ATP6V1B2: variants seen among roughly 807,000 people sequenced by gnomAD.
The protein encoded by ATP6V1B2 is V-type proton ATPase subunit B, brain isoform.
Under a neutral mutation model 66.7 loss-of-function variants are expected in ATP6V1B2, and 23 were observed. That is an observed-to-expected ratio of 0.34 (90% CI 0.25 to 0.49). The LOEUF (loss-of-function observed/expected upper bound fraction) is 0.49. Among genes scored for constraint, ATP6V1B2 ranks in the 20% least tolerant of loss-of-function variants. ATP6V1B2 has a pLI of 0.99. For synonymous variants in ATP6V1B2, 278 were observed against 236.7 expected (o/e 1.17, Z -1.60); for missense variants, 478 against 650.8 (o/e 0.73, Z 2.89).
At chr8:20,203,861 G>A (rs2072710984) in intron 1 of ATP6V1B2, 1 of 387,398 alleles carries the variant, frequency 2.6e-6, no homozygotes, top group East Asian at 7.7e-5. Context: ...TATCTTGTTT[G>A]ACCCCCTGGC....
chr8:20,215,953 A>G (rs1435642911), intron 10 of ATP6V1B2: 1 of 153,300 alleles, frequency 6.5e-6, no homozygotes, highest in Admixed American at 6.5e-5. Context: ...GCAAATTTCT[A>G]TAAGGGAACT....
At chr8:20,202,090 A>G (rs1015709990) in intron 1 of ATP6V1B2, among the ~76,000 whole-genome samples, 4 of 152,172 alleles carry the variant, frequency 2.6e-5, no homozygotes, top group African/African-American at 9.7e-5. Flanking sequence ...CACATTGGGG[A>G]TGAAGTTTAT....
In ATP6V1B2 at chr8:20,220,370, G is replaced by A. The variant is rs949243226; in HGVS notation, c.1504G>A (p.Glu502Lys). ...LKRIPQSTLS[E>K]FYPRDSAKH is the part of the protein sequence containing the mutation. The stretch of plus-strand genomic sequence containing the variant: ...GAGAATCCCTCAGAGCACCCTCAGC[G>A]AATTTTACCCTCGAGACTCTGCAAA... The change falls in exon 14 of 14, where the codon GAA becomes AAA. Residue 502 changes from glutamate (E) to lysine (K), a missense_variant. By Grantham distance (56) the Glu-to-Lys change is moderately conservative (BLOSUM62 1). Coordinates refer to ENST00000276390, the MANE Select transcript of ATP6V1B2 (RefSeq NM_001693.4). 1.8e-5 allele frequency: 28 copies of A among 1,587,536 alleles called. No homozygotes were observed. The highest frequency in any genetic ancestry group is 2.7e-5 in the African/African-American group (2 of 72,920).
At chr8:20,213,013 C>CA in intron 9 of ATP6V1B2, 108 bp downstream of exon 9, 1 of 1,431,140 alleles carries the variant, frequency 7.0e-7, no homozygotes, top group Admixed American at 2.0e-5. Flanking sequence ...TTCCACTGTT[C>CA]ATATATTAAT....
chr8:20,210,126 A>T (rs1375736820), intron 3 of ATP6V1B2, among the ~76,000 whole-genome samples: 1 of 149,946 alleles, frequency 6.7e-6, no homozygotes, highest in Non-Finnish European at 1.5e-5. Context: ...GTATATATAT[A>T]AACATGCTTA....
At chr8:20,213,093 A>G (rs577964680) in intron 9 of ATP6V1B2, 188 bp downstream of exon 9, 465 of 676,294 alleles carry the variant, frequency 6.9e-4, no homozygotes, top group Non-Finnish European at 9.5e-4. Context: ...ATTAGAGGTT[A>G]AGATTTAAAT....
chr8:20,215,083 G>A, intron 10 of ATP6V1B2, 115 bp downstream of exon 10: 1 of 1,146,716 alleles, frequency 8.7e-7, no homozygotes, highest in Non-Finnish European at 1.2e-6. Flanking sequence ...AGTTTATCTT[G>A]GTTATTTGCC....
chr8:20,217,200 T>C lies in ATP6V1B2; in HGVS notation c.1162-20T>C. ...TTTTGTACTTAAATATAGTATTTTT[T>C]CCCTCTCATTCTACCCAAGATTTAT... On this transcript the variant is annotated intron_variant, in intron 11 of 13. Transcript: ENST00000276390. 1.1e-5 allele frequency: 17 copies of C among 1,576,934 alleles called. No individual in the cohort carries two copies. The highest frequency in any genetic ancestry group is 1.5e-5 in the Non-Finnish European group (17 of 1,146,652).
Position 20,217,719 on chromosome 8 carries a change from C to T in ATP6V1B2, c.1266+395C>T, listed in dbSNP as rs141525673. Among the ~76,000 whole-genome samples the T allele has an allele frequency of 3.0e-3, 452 of 152,220 alleles. 2 individuals are homozygous for T. The highest frequency in any genetic ancestry group is 0.01 in the African/African-American group (428 of 41,534). On this transcript the variant is annotated intron_variant, in intron 12 of 13. Coordinates refer to ENST00000276390, the MANE Select transcript of ATP6V1B2 (RefSeq NM_001693.4). Reference sequence around the variant, plus strand: ...TACAGTTTTATGTAGGCTCTGAAATCCTTGATTTTTATACTCATATAAGAT... The same window carrying T: ...TACAGTTTTATGTAGGCTCTGAAATTCTTGATTTTTATACTCATATAAGAT...
At chr8:20,208,744 A>G (rs545469094) in intron 2 of ATP6V1B2, among the ~76,000 whole-genome samples, 41 of 133,200 alleles carry the variant, frequency 3.1e-4, no homozygotes, top group African/African-American at 1.0e-3. Flanking sequence ...GTCTTTTTCT[A>G]TCAGCCAGGC....
In ATP6V1B2 at chr8:20,197,470, G is replaced by T; in HGVS notation, c.64G>T (p.Gly22Cys). 2 of 1,523,480 alleles carry T rather than the reference G, an allele frequency of 1.3e-6. No homozygotes were observed. Among genetic ancestry groups the T allele is most frequent in the South Asian group, 1.2e-5 (1 of 81,840 alleles). 94.4% of individuals were successfully genotyped at this position (1,523,480 alleles called of 1,614,324 possible). Residue 22 changes from glycine (G) to cysteine (C), a missense_variant, in exon 1 of 14, where the codon GGT (glycine) becomes TGT (cysteine). This residue lies in a region of ATP6V1B2 where 152 missense variants were observed against 105.2 expected (regional missense o/e 1.44). Coordinates refer to ENST00000276390, the MANE Select transcript of ATP6V1B2 (RefSeq NM_001693.4). ...GAAPELPVPTGGPAVGAREQA... is the reference protein window; with the variant it reads ...GAAPELPVPTCGPAVGAREQA... ...CGCACCCGAGCTACCCGTGCCCACC[G>T]GTGGGCCGGCGGTGGGAGCTCGGGA... is the stretch of plus-strand genomic sequence containing the variant.
intron 1 of ATP6V1B2, among the ~76,000 whole-genome samples, chr8:20,198,492 G>A (rs912691613): frequency 1.3e-5 from 2 of 152,238 alleles, no homozygotes; most frequent in Admixed American, 6.5e-5. Context: ...GATTACTAGA[G>A]AATGCAGTTG....
chr8:20,210,149 A>C (rs1341835769), intron 3 of ATP6V1B2, among the ~76,000 whole-genome samples, 197 bp from the exon 4 acceptor site: 2 of 150,734 alleles, frequency 1.3e-5, no homozygotes, highest in East Asian at 3.9e-4. Flanking sequence ...TTGCTTATCA[A>C]ATTTGGCCTG....
intron 2 of ATP6V1B2, among the ~76,000 whole-genome samples, chr8:20,205,483 T>A (rs2072729630): frequency 6.6e-6 from 1 of 152,136 alleles, no homozygotes; most frequent in Non-Finnish European, 1.5e-5. Context: ...TGGGAAGGAC[T>A]TAGAAACCGT....
rs201825705 is a variant in ATP6V1B2, at chr8:20,208,709, C to CTTT, written c.193-710_193-708dup. Reference sequence around the variant, plus strand: ...ATAGTAATTATTATTTAGTAACTTTCTTTTTTTTTTTTTTTTGAGACAGAG... The same window carrying CTTT: ...ATAGTAATTATTATTTAGTAACTTTCTTTTTTTTTTTTTTTTTTTGAGACAGAG... On this transcript the variant is annotated intron_variant, in intron 2 of 13. Transcript: ENST00000276390. 4.5e-3 allele frequency among the ~76,000 whole-genome samples: 608 copies of CTTT among 134,090 alleles called. 1 individual carries two copies. The highest frequency in any genetic ancestry group is 6.8e-3 in the Non-Finnish European group (426 of 63,052). 88.0% of individuals were successfully genotyped at this position (134,090 alleles called of 152,430 possible).
At chr8:20,206,980 C>G (rs2072745415) in intron 2 of ATP6V1B2, among the ~76,000 whole-genome samples, 1 of 152,136 alleles carries the variant, frequency 6.6e-6, no homozygotes, top group Non-Finnish European at 1.5e-5. Flanking sequence ...TCAGAAAACC[C>G]AAGTCATCCA....
At chr8:20,207,572 A>C (rs563675157) in intron 2 of ATP6V1B2, among the ~76,000 whole-genome samples, 133 of 152,056 alleles carry the variant, frequency 8.7e-4, no homozygotes, top group African/African-American at 3.2e-3. Context: ...AAGTATAATA[A>C]TAATAAAATA....
chr8:20,202,431 A>G (rs982506299), intron 1 of ATP6V1B2, among the ~76,000 whole-genome samples: 3 of 152,242 alleles, frequency 2.0e-5, no homozygotes, highest in African/African-American at 7.2e-5. Context: ...CCTGAAAAGT[A>G]CTTATTAAAT....
intron 2 of ATP6V1B2, among the ~76,000 whole-genome samples, chr8:20,208,870 A>G (rs1256124985): frequency 2.8e-4 from 43 of 151,988 alleles, no homozygotes; most frequent in Admixed American, 2.8e-3. Flanking sequence ...ATGCCTGGCT[A>G]ATTTTTTATT....
Sources: gnomAD v4.1 joint callset for allele counts (sites outside exome capture counted in the v4.1 genomes callset) on GRCh38, gnomAD v4.1.1 for gene constraint, gnomAD v4.1.1 regional missense constraint, MANE v1.5 for transcripts, NCBI Gene and HGNC (gene_info 2026-07-23, HGNC 2026-07-21) for gene names.